The following EIF4G3 variants were observed in gnomAD, a reference collection of about 807,000 sequenced individuals.
EIF4G3 encodes eukaryotic translation initiation factor 4 gamma 3, also known as eIF-4-gamma 3.
A neutral mutation model predicts 186.4 loss-of-function variants in EIF4G3; 34 were observed. That is an observed-to-expected ratio of 0.18 (90% CI 0.14 to 0.24). EIF4G3 has a LOEUF of 0.24. Ranked by LOEUF, EIF4G3 falls within the 10% of genes least tolerant of loss-of-function variation. The pLI is 1.00. For missense variants in EIF4G3, 1,536 were observed against 1,948.5 expected (o/e 0.79, Z 3.99); for synonymous variants, 673 against 679.5 (o/e 0.99, Z 0.15).
At chr1:21,120,456 C>T (rs2096906551) in intron 2 of EIF4G3, among the ~76,000 whole-genome samples, 1 of 151,732 alleles carries the variant, frequency 6.6e-6, no homozygotes. Context: ...GGTGAAACCT[C>T]GTCTCTACTA....
rs941152723 is a variant in EIF4G3, at chr1:20,938,129, TGGGATTACA to T, written c.1663+3353_1663+3361del. ...CTCCCACCTCAGCCTCCAGAATAGCTGGGATTACAGGCGCATCACCACTCCTGGGTAATT... is the reference window on the plus strand; with the variant it reads ...CTCCCACCTCAGCCTCCAGAATAGCTGGCGCATCACCACTCCTGGGTAATT... On this transcript the variant is annotated intron_variant, in intron 14 of 36. Coordinates refer to ENST00000602326, the MANE Select transcript of EIF4G3 (RefSeq NM_001391906.1). 7.8e-4 allele frequency among the ~76,000 whole-genome samples: 119 copies of T among 152,178 alleles called. 1 individual carries two copies. Among genetic ancestry groups the T allele is most frequent in the African/African-American group, 2.8e-3 (116 of 41,518 alleles).
chr1:20,982,807 T>C (rs549044512), intron 7 of EIF4G3, among the ~76,000 whole-genome samples: 1 of 152,342 alleles, frequency 6.6e-6, no homozygotes, highest in East Asian at 1.9e-4. Context: ...CTACTTGCCA[T>C]CTGTGTCATT....
At chr1:21,032,770 A>G (rs770205146) in intron 4 of EIF4G3, among the ~76,000 whole-genome samples, 77 of 152,206 alleles carry the variant, frequency 5.1e-4, no homozygotes, top group Admixed American at 2.0e-4. Context: ...TTATGAACAA[A>G]AATAGCTTTT....
chr1:21,167,549 G>A lies in EIF4G3; in HGVS notation c.-272+8626C>T, dbSNP rs115160084. 6.9e-3 allele frequency among the ~76,000 whole-genome samples: 1,047 copies of A among 152,266 alleles called. 12 individuals carry two copies. Among genetic ancestry groups the A allele is most frequent in the African/African-American group, 0.024 (991 of 41,548 alleles). On this transcript the variant is annotated intron_variant, in intron 2 of 36. Transcript: ENST00000602326. Reference sequence around the variant, plus strand: ...CCAGTACTTTGGAAGGCCAAGGTCAGGAGTTCAAGACCAGCCAGGCCAATA... The same window carrying A: ...CCAGTACTTTGGAAGGCCAAGGTCAAGAGTTCAAGACCAGCCAGGCCAATA...
intron 14 of EIF4G3, among the ~76,000 whole-genome samples, chr1:20,933,223 C>A (rs1026934657): frequency 6.6e-6 from 1 of 152,116 alleles, no homozygotes. Flanking sequence ...ATGATTTCGG[C>A]CACTTGGTGG....
intron 6 of EIF4G3, among the ~76,000 whole-genome samples, chr1:21,000,977 A>AC (rs560070509): frequency 6.6e-6 from 1 of 152,062 alleles, no homozygotes; most frequent in Non-Finnish European, 1.5e-5. Flanking sequence ...AAAAATCTAA[A>AC]CCCCCAAATT....
At chr1:20,833,147 G>T (rs1187860434) in intron 30 of EIF4G3, among the ~76,000 whole-genome samples, 1 of 135,336 alleles carries the variant, frequency 7.4e-6, no homozygotes, top group Non-Finnish European at 1.6e-5. Flanking sequence ...ATTCTGTGAA[G>T]AAAGTCATTG....
chr1:21,059,122 G>A (rs2094743999), intron 3 of EIF4G3, among the ~76,000 whole-genome samples: 1 of 151,910 alleles, frequency 6.6e-6, no homozygotes, highest in African/African-American at 2.4e-5. Flanking sequence ...TCCTATAAAG[G>A]TAAAAGGCAC....
chr1:21,164,844 A>T (rs566749984), intron 2 of EIF4G3, among the ~76,000 whole-genome samples: 1 of 152,306 alleles, frequency 6.6e-6, no homozygotes, highest in South Asian at 2.1e-4. Flanking sequence ...AGCCTGGGTG[A>T]CAGAGACAGA....
chr1:20,948,970 CAAAAAAA>C (rs34585901), intron 13 of EIF4G3, among the ~76,000 whole-genome samples: 12 of 51,518 alleles, frequency 2.3e-4, no homozygotes, highest in Admixed American at 6.0e-4. Context: ...GACTCTGTCT[CAAAAAAA>C]AAAAAAAAAA....
chr1:21,146,970 A>C (rs2097454103), intron 2 of EIF4G3, among the ~76,000 whole-genome samples: 1 of 152,008 alleles, frequency 6.6e-6, no homozygotes, highest in African/African-American at 2.4e-5. Context: ...TGTTTCAGAA[A>C]TTTCAGGATT....
At chr1:20,849,279 C>G (rs769483831) in intron 29 of EIF4G3, 136 bp downstream of exon 29, 13 of 445,122 alleles carry the variant, frequency 2.9e-5, no homozygotes, top group Non-Finnish European at 4.4e-5. Context: ...GTTAAGCAAA[C>G]TGAATTGTGT....
chr1:20,942,033 G>C lies in EIF4G3; in HGVS notation c.1121C>G (p.Ser374Cys). ...TAAAGGGTCTGATGTTTCTGTGCAAGATGTGAGGCTGGGTATAGGAATTGT... is the reference window on the plus strand; with the variant it reads ...TAAAGGGTCTGATGTTTCTGTGCAACATGTGAGGCTGGGTATAGGAATTGT... ...EDTIPIPSLTSCTETSDPLPT... is the reference protein window; with the variant it reads ...EDTIPIPSLTCCTETSDPLPT... Residue 374 changes from serine to cysteine, a missense_variant, in exon 14 of 37, where the codon TCT becomes TGT. Physicochemically the swap from Ser to Cys is moderately radical, Grantham distance 112. Around this residue, in one of 11 missense-constraint regions of EIF4G3, gnomAD observed 560 missense variants for 547.8 expected, o/e 1.02. Coordinates refer to ENST00000602326, the MANE Select transcript of EIF4G3 (RefSeq NM_001391906.1). 1 of 1,614,168 alleles carries C rather than the reference G, an allele frequency of 6.2e-7. No individual in the cohort carries two copies.
intron 13 of EIF4G3, among the ~76,000 whole-genome samples, chr1:20,943,283 A>T (rs2095793811): frequency 1.3e-5 from 2 of 152,244 alleles, no homozygotes. Context: ...ATATAGTATG[A>T]AAATACTAGT....
At chr1:20,907,294 T>A (rs2092361867) in intron 14 of EIF4G3, among the ~76,000 whole-genome samples, 1 of 152,088 alleles carries the variant, frequency 6.6e-6, no homozygotes, top group Admixed American at 6.6e-5. Flanking sequence ...AACTAAACTC[T>A]TACAGACACA....
rs191529061 is a variant in EIF4G3, at chr1:21,092,791, T to C, written c.-271-3578A>G. Among the ~76,000 whole-genome samples the C allele has an allele frequency of 2.6e-3, 389 of 152,062 alleles. 3 individuals are homozygous for C. Among genetic ancestry groups the C allele is most frequent in the African/African-American group, 8.7e-3 (359 of 41,460 alleles). ...AACAGAACAGAGCCCTCAGAAATAA[T>C]ACCACACATCTACAACCATCTGATC... On this transcript the variant is annotated intron_variant, in intron 2 of 36. Coordinates refer to ENST00000602326, the MANE Select transcript of EIF4G3 (RefSeq NM_001391906.1).
intron 3 of EIF4G3, among the ~76,000 whole-genome samples, chr1:21,077,090 C>T (rs980141529): frequency 6.6e-6 from 1 of 151,914 alleles, no homozygotes; most frequent in Non-Finnish European, 1.5e-5. Context: ...AACTCAACAG[C>T]AAAAAGAAAA....
Position 20,986,673 on chromosome 1 carries a change from C to T in EIF4G3, c.178-4265G>A, listed in dbSNP as rs535974497. The stretch of plus-strand genomic sequence containing the variant: ...CTGAAGCAGGAGAATGGCGTGAACC[C>T]GGGAGGCAGAGCTTGCAGTGAGCCA... On this transcript the variant is annotated intron_variant, in intron 7 of 36. Coordinates refer to ENST00000602326, the MANE Select transcript of EIF4G3 (RefSeq NM_001391906.1). Among the ~76,000 whole-genome samples the T allele has an allele frequency of 1.4e-3, 182 of 130,758 alleles. 1 individual carries two copies. Among genetic ancestry groups the T allele is most frequent in the African/African-American group, 4.8e-3 (172 of 35,464 alleles). 85.8% of individuals were successfully genotyped at this position (130,758 alleles called of 152,430 possible). A position where few individuals can be genotyped will look rare whatever the true frequency, so the allele number is the denominator to read the frequency against.
At chr1:21,023,882 G>T (rs1248803110) in intron 4 of EIF4G3, among the ~76,000 whole-genome samples, 3 of 138,316 alleles carry the variant, frequency 2.2e-5, no homozygotes, top group Non-Finnish European at 4.9e-5. Flanking sequence ...CCCATCGTCT[G>T]AGATGTGGGG....
Sources: gnomAD v4.1 joint callset for allele counts (sites outside exome capture counted in the v4.1 genomes callset) on GRCh38, gnomAD v4.1.1 for gene constraint, gnomAD v4.1.1 regional missense constraint, MANE v1.5 for transcripts, NCBI Gene and HGNC (gene_info 2026-07-23, HGNC 2026-07-21) for gene names.